The following DPP10 variants were observed in gnomAD, a reference collection of about 807,000 sequenced individuals.
DPP10 encodes inactive dipeptidyl peptidase 10.
Under a neutral mutation model 120.9 loss-of-function variants are expected in DPP10, and 33 were observed. The observed-to-expected ratio is 0.27, with a 90% CI of 0.21 to 0.37. DPP10 has a LOEUF of 0.37. DPP10 is among the 10% of genes least tolerant of loss of function. The pLI is 1.00. For missense variants in DPP10, 816 were observed against 942.8 expected, an observed-to-expected ratio of 0.87 and a Z score of 1.76; for synonymous variants, 337 against 326.1, an observed-to-expected ratio of 1.03 and a Z score of -0.36.
chr2:114,645,323 A>G (rs905375575), intron 1 of DPP10, among the ~76,000 whole-genome samples: 2 of 152,212 alleles, frequency 1.3e-5, no homozygotes, highest in African/African-American at 4.8e-5. Flanking sequence ...CCCTAAGAAA[A>G]ACAAACTGTC....
At chr2:114,634,268 A>C (rs977199221) in intron 1 of DPP10, among the ~76,000 whole-genome samples, 1 of 151,938 alleles carries the variant, frequency 6.6e-6, no homozygotes, top group African/African-American at 2.4e-5. Context: ...AAGCTTTTAC[A>C]TAGTTCAAAA....
intron 2 of DPP10, among the ~76,000 whole-genome samples, chr2:115,320,515 G>A (rs141490540): frequency 4.7e-4 from 71 of 150,714 alleles, no homozygotes; most frequent in African/African-American, 1.7e-3. Flanking sequence ...TTATGGTTAT[G>A]TTGGTCATCA....
At chr2:114,974,092 G>T (rs975456751) in intron 1 of DPP10, among the ~76,000 whole-genome samples, 26 of 151,992 alleles carry the variant, frequency 1.7e-4, no homozygotes, top group East Asian at 1.9e-4. Context: ...ATTTACTACC[G>T]AAATTTTTAA....
At position 114,511,344 on chromosome 2, in the gene DPP10, A is replaced by T. The variant is rs935467070; in HGVS notation, c.60+68506A>T. 5.3e-5 allele frequency among the ~76,000 whole-genome samples: 8 copies of T among 152,354 alleles called. No homozygotes were observed. In the East Asian group the frequency reaches 1.3e-3, roughly 26 times the overall value. On this transcript the variant is annotated intron_variant, in intron 1 of 25. Transcript: ENST00000410059. Reference sequence around the variant, plus strand: ...TTCAGGCCCTGAGAAAGACAAGCTTATGGAGCAGGTAAAAAGTTTCATAAT... The same window carrying T: ...TTCAGGCCCTGAGAAAGACAAGCTTTTGGAGCAGGTAAAAAGTTTCATAAT...
At chr2:115,471,997 A>G (rs771705654) in intron 3 of DPP10, among the ~76,000 whole-genome samples, 2 of 152,038 alleles carry the variant, frequency 1.3e-5, no homozygotes, top group Non-Finnish European at 2.9e-5. Flanking sequence ...ATCTGATTGC[A>G]CTGGAACAGC....
In DPP10 at chr2:115,384,047, C is replaced by A. The variant is rs932043517; in HGVS notation, c.271+40135C>A. On this transcript the variant is annotated intron_variant, in intron 3 of 25. Coordinates refer to ENST00000410059, the MANE Select transcript of DPP10 (RefSeq NM_020868.6). ...TGTTGGCATTCAGAAAACAATACCC[C>A]AAAGTATGTTGCTTTGGCATGCTGA... 3.3e-5 allele frequency among the ~76,000 whole-genome samples: 5 copies of A among 152,298 alleles called. 1 individual carries two copies. The highest frequency in any genetic ancestry group is 2.1e-4 in the South Asian group (1 of 4,828).
At chr2:115,446,279 C>A (rs2072577727) in intron 3 of DPP10, among the ~76,000 whole-genome samples, 1 of 152,272 alleles carries the variant, frequency 6.6e-6, no homozygotes, top group East Asian at 1.9e-4. Flanking sequence ...AGGGGCAGAA[C>A]CCTCATGGAA....
intron 4 of DPP10, among the ~76,000 whole-genome samples, chr2:115,500,694 C>T (rs2076639059): frequency 1.3e-5 from 2 of 151,912 alleles, no homozygotes; most frequent in Admixed American, 6.6e-5. Flanking sequence ...AAACTAATTA[C>T]AGGGAATCAA....
intron 8 of DPP10, among the ~76,000 whole-genome samples, chr2:115,737,804 C>A (rs1242076697): frequency 2.0e-5 from 3 of 152,136 alleles, no homozygotes; most frequent in African/African-American, 7.2e-5. Flanking sequence ...AACAAATTTT[C>A]TCTGACTTTA....
intron 1 of DPP10, among the ~76,000 whole-genome samples, chr2:115,079,231 T>C (rs1044043069): frequency 1.3e-5 from 2 of 152,084 alleles, no homozygotes; most frequent in African/African-American, 4.8e-5. Flanking sequence ...ACACAAAACA[T>C]TAGCCGGACG....
At chr2:114,992,108 A>G (rs942611650) in intron 1 of DPP10, among the ~76,000 whole-genome samples, 1 of 152,226 alleles carries the variant, frequency 6.6e-6, no homozygotes, top group Admixed American at 6.5e-5. Flanking sequence ...AAATTTACAG[A>G]GCATGCATAT....
At chr2:114,967,721 T>C (rs1236248485) in intron 1 of DPP10, among the ~76,000 whole-genome samples, 1 of 152,178 alleles carries the variant, frequency 6.6e-6, no homozygotes, top group Non-Finnish European at 1.5e-5. Context: ...AAAGTCTTGG[T>C]CATTCCGTCT....
At chr2:114,671,968 C>T (rs1471641372) in intron 1 of DPP10, among the ~76,000 whole-genome samples, 1 of 151,988 alleles carries the variant, frequency 6.6e-6, no homozygotes, top group South Asian at 2.1e-4. Flanking sequence ...TTTGCTAAGA[C>T]TTTGTTTAGA....
chr2:115,597,779 C>T (rs1389916733), intron 5 of DPP10, among the ~76,000 whole-genome samples: 1 of 151,964 alleles, frequency 6.6e-6, no homozygotes, highest in African/African-American at 2.4e-5. Context: ...AGGTCTAAAG[C>T]AGTCCTCATA....
At chr2:115,383,097 A>G (rs920460720) in intron 3 of DPP10, among the ~76,000 whole-genome samples, 9 of 152,220 alleles carry the variant, frequency 5.9e-5, no homozygotes, top group African/African-American at 2.2e-4. Context: ...AGTTTTCCAC[A>G]ATGGGTAAAT....
Position 114,742,503 on chromosome 2 carries a change from A to G in DPP10, c.60+299665A>G, listed in dbSNP as rs920380334. On this transcript the variant is annotated intron_variant, in intron 1 of 25. Coordinates refer to ENST00000410059, the MANE Select transcript of DPP10 (RefSeq NM_020868.6). ...AATAGCTGCTTTTTTTTCTTTTAAT[A>G]CATGCTTTCCTTGGAGAATACATTC... Among the ~76,000 whole-genome samples, 5 of 152,208 alleles carry G rather than the reference A, an allele frequency of 3.3e-5. No homozygotes were observed. The South Asian group carries it at 8.3e-4, about 25-fold the overall frequency.
chr2:114,496,916 G>A (rs1682568349), intron 1 of DPP10, among the ~76,000 whole-genome samples: 1 of 151,854 alleles, frequency 6.6e-6, no homozygotes, highest in South Asian at 2.1e-4. Context: ...GTTAATTACA[G>A]CACAAGAATT....
chr2:114,525,344 A>T (rs1248079215), intron 1 of DPP10, among the ~76,000 whole-genome samples: 1 of 152,198 alleles, frequency 6.6e-6, no homozygotes, highest in Non-Finnish European at 1.5e-5. Flanking sequence ...TCTTCAGTAC[A>T]CTTGAGTCAC....
intron 1 of DPP10, among the ~76,000 whole-genome samples, chr2:114,452,488 G>A (rs1449003878): frequency 1.3e-5 from 2 of 151,974 alleles, no homozygotes; most frequent in African/African-American, 2.4e-5. Context: ...TCCTAGTCTA[G>A]ACTCTCATTT....
Sources: gnomAD v4.1 joint callset for allele counts (sites outside exome capture counted in the v4.1 genomes callset) on GRCh38, gnomAD v4.1.1 for gene constraint, MANE v1.5 for transcripts, NCBI Gene and HGNC (gene_info 2026-07-23, HGNC 2026-07-21) for gene names.